Variants in LARGE1 observed in about 807,000 individuals in gnomAD.
LARGE1 encodes the protein LARGE xylosyl- and glucuronyltransferase 1.
LARGE1 carries 43 observed loss-of-function variants against 87.6 expected under a neutral mutation model. The observed-to-expected ratio is 0.49, with a 90% CI of 0.38 to 0.63. LARGE1 has a LOEUF of 0.63. Ranked by LOEUF, LARGE1 falls within the 30% of genes least tolerant of loss-of-function variation. The pLI is 0.00. For synonymous variants in LARGE1, 434 were observed against 394.6 expected (o/e 1.10, Z -1.18); for missense variants, 802 against 1,000.2 (o/e 0.80, Z 2.67).
At chr22:33,813,381 G>A (rs1489973973) in intron 1 of LARGE1, among the ~76,000 whole-genome samples, 2 of 151,920 alleles carry the variant, frequency 1.3e-5, no homozygotes, top group African/African-American at 4.8e-5. Flanking sequence ...GTTCATCTCC[G>A]ATAGTCAAAT....
chr22:33,579,500 C>T lies in LARGE1; in HGVS notation c.616-14481G>A, dbSNP rs554248991. The stretch of plus-strand genomic sequence containing the variant: ...CTAAAACTAACGGTTAGCATTTGTA[C>T]ATTACGGAGGGTCCTGAGCAGGAGC... On this transcript the variant is annotated intron_variant, in intron 5 of 14. Coordinates refer to ENST00000397394, the MANE Select transcript of LARGE1 (RefSeq NM_133642.5). 2.6e-5 allele frequency among the ~76,000 whole-genome samples: 4 copies of T among 152,306 alleles called. No homozygotes were observed. In the South Asian group the frequency reaches 8.3e-4, roughly 32 times the overall value.
chr22:33,187,243 T>C (rs1353099843), intron 11 of LARGE1, among the ~76,000 whole-genome samples: 2 of 152,218 alleles, frequency 1.3e-5, no homozygotes, highest in Non-Finnish European at 2.9e-5. Context: ...TCAAACTACG[T>C]GCACATCAAT....
At chr22:33,400,816 A>G (rs1278468581) in intron 7 of LARGE1, among the ~76,000 whole-genome samples, 1 of 152,232 alleles carries the variant, frequency 6.6e-6, no homozygotes, top group Middle Eastern at 3.2e-3. Context: ...CTGAAAACAC[A>G]TTCAGGGAGG....
chr22:33,729,548 C>T (rs879596017), intron 2 of LARGE1, among the ~76,000 whole-genome samples: 5 of 152,200 alleles, frequency 3.3e-5, no homozygotes, highest in African/African-American at 9.6e-5. Flanking sequence ...AGACTTCCTC[C>T]ATCCAATGAC....
Position 33,542,580 on chromosome 22 carries a change from T to A in LARGE1, c.787+22268A>T, listed in dbSNP as rs115665054. Reference sequence around the variant, plus strand: ...ACTAATATTTTAGTATCTAGTAGGCTTGGATAGGTATATAGAACCTTGAAG... The same window carrying A: ...ACTAATATTTTAGTATCTAGTAGGCATGGATAGGTATATAGAACCTTGAAG... On this transcript the variant is annotated intron_variant, in intron 6 of 14. Coordinates refer to ENST00000397394, the MANE Select transcript of LARGE1 (RefSeq NM_133642.5). Among the ~76,000 whole-genome samples the A allele has an allele frequency of 6.7e-3, 1,009 of 149,598 alleles. 12 individuals are homozygous for A. The highest frequency in any genetic ancestry group is 0.024 in the African/African-American group (961 of 40,486).
chr22:33,771,412 T>A (rs1242372199), intron 1 of LARGE1, among the ~76,000 whole-genome samples: 2 of 152,180 alleles, frequency 1.3e-5, no homozygotes, highest in East Asian at 3.8e-4. Flanking sequence ...TTTCAGTTAA[T>A]CATTTCTGAT....
At chr22:33,809,778 T>A (rs535314625) in intron 1 of LARGE1, among the ~76,000 whole-genome samples, 1 of 152,290 alleles carries the variant, frequency 6.6e-6, no homozygotes, top group African/African-American at 2.4e-5. Context: ...ATACTAAATA[T>A]TCAAGATCAG....
chr22:33,503,233 G>C (rs1197799475), intron 6 of LARGE1, among the ~76,000 whole-genome samples: 1 of 151,698 alleles, frequency 6.6e-6, no homozygotes, highest in Non-Finnish European at 1.5e-5. Flanking sequence ...AAATGGTTTA[G>C]GAGTTCCCCT....
the LARGE1 span, among the ~76,000 whole-genome samples, chr22:33,107,542 G>T: frequency 6.7e-6 from 1 of 150,160 alleles, no homozygotes; most frequent in Non-Finnish European, 1.5e-5. Flanking sequence ...GTTACAGAGC[G>T]AGACTTTGTC....
chr22:33,695,089 A>C (rs1368169373), intron 2 of LARGE1, among the ~76,000 whole-genome samples: 2 of 148,832 alleles, frequency 1.3e-5, no homozygotes, highest in African/African-American at 5.0e-5. Flanking sequence ...AGCTGCAGTA[A>C]TTTTTTCTTT....
intron 11 of LARGE1, among the ~76,000 whole-genome samples, chr22:33,242,991 C>G (rs930295411): frequency 1.9e-4 from 29 of 152,186 alleles, no homozygotes; most frequent in African/African-American, 7.0e-4. Context: ...TTTCCCCTTT[C>G]TATAAGGACA....
intron 6 of LARGE1, among the ~76,000 whole-genome samples, chr22:33,457,396 T>C (rs765429955): frequency 6.7e-6 from 1 of 148,302 alleles, no homozygotes; most frequent in Non-Finnish European, 1.5e-5. Context: ...AAGTGATTCA[T>C]CTGCCCGCCT....
intron 3 of LARGE1, among the ~76,000 whole-genome samples, chr22:33,643,295 T>G (rs892062145): frequency 1.3e-5 from 2 of 152,174 alleles, no homozygotes; most frequent in African/African-American, 4.8e-5. Flanking sequence ...CCTGAATGAC[T>G]ACTGGGTAAA....
At chr22:33,902,205 A>G (rs1268889499) in intron 1 of LARGE1, among the ~76,000 whole-genome samples, 1 of 152,206 alleles carries the variant, frequency 6.6e-6, no homozygotes, top group Non-Finnish European at 1.5e-5. Context: ...TCCGTAAGAC[A>G]CACAAAAAAA....
chr22:33,358,327 C>CA (rs1010514822), intron 9 of LARGE1, among the ~76,000 whole-genome samples: 1 of 152,038 alleles, frequency 6.6e-6, no homozygotes, highest in Admixed American at 6.6e-5. Context: ...TGATCCATCC[C>CA]AATCCTCCAA....
chr22:33,365,562 T>C (rs999008677), intron 9 of LARGE1, among the ~76,000 whole-genome samples: 1 of 152,216 alleles, frequency 6.6e-6, no homozygotes, highest in African/African-American at 2.4e-5. Context: ...TTATATATTT[T>C]GTTTAGTGCT....
At chr22:33,619,276 C>T (rs527571790) in intron 4 of LARGE1, among the ~76,000 whole-genome samples, 2 of 152,168 alleles carry the variant, frequency 1.3e-5, no homozygotes, top group South Asian at 2.1e-4. Context: ...ATAATGAGAC[C>T]GGGCACAGTG....
At chr22:33,555,392 G>T (rs1393100291) in intron 6 of LARGE1, among the ~76,000 whole-genome samples, 2 of 151,958 alleles carry the variant, frequency 1.3e-5, no homozygotes. Context: ...ATTAGAAGGT[G>T]ATGAGTCCTC....
chr22:33,254,907 G>C (rs1026985666), intron 11 of LARGE1, among the ~76,000 whole-genome samples: 5 of 149,284 alleles, frequency 3.3e-5, no homozygotes, highest in Non-Finnish European at 7.4e-5. Context: ...CACAGTAACT[G>C]TTCCAGCTCT....
Sources: gnomAD v4.1 joint callset for allele counts (sites outside exome capture counted in the v4.1 genomes callset) on GRCh38, gnomAD v4.1.1 for gene constraint, MANE v1.5 for transcripts, NCBI Gene and HGNC (gene_info 2026-07-23, HGNC 2026-07-21) for gene names.